Variants in CDCA2 observed in about 807,000 individuals in gnomAD.
CDCA2 encodes cell division cycle-associated protein 2.
CDCA2 carries 44 observed loss-of-function variants against 67.0 expected under a neutral mutation model. That is an observed-to-expected ratio of 0.66 (90% CI 0.52 to 0.84). The LOEUF (loss-of-function observed/expected upper bound fraction) is 0.84. CDCA2 is among the 40% of genes least tolerant of loss of function. The probability of loss-of-function intolerance (pLI) is 0.00; values close to 1 mark genes in which losing one functional copy is unlikely to be tolerated. For synonymous variants in CDCA2, 447 were observed against 418.7 expected (o/e 1.07, Z -0.82); for missense variants, 1,253 against 1,203.2 (o/e 1.04, Z -0.61).
chr8:25,494,220 G>C (rs951117306), intron 13 of CDCA2, among the ~76,000 whole-genome samples: 1 of 152,026 alleles, frequency 6.6e-6, no homozygotes, highest in Non-Finnish European at 1.5e-5. Context: ...AGCACTTTGG[G>C]AGGCTGATAT....
intron 7 of CDCA2, among the ~76,000 whole-genome samples, chr8:25,478,319 C>G (rs1054652007): frequency 1.3e-5 from 2 of 152,138 alleles, no homozygotes; most frequent in African/African-American, 4.8e-5. Context: ...CCACTTCTCA[C>G]CTTTTGCATT....
In CDCA2 at chr8:25,507,646, G is replaced by A; in HGVS notation, c.2980G>A (p.Gly994Ser). ...TACTAAAGCCACTTCCCAGTTCAAA[G>A]GCTACCGGAGAAGATCCTCTCTTAA... ...ANTKATSQFK[G>S]YRRRSSLNGK... Residue 994 changes from glycine (G) to serine (S), a missense_variant, in exon 15 of 15, where the codon GGC (glycine) becomes AGC (serine). Transcript: ENST00000330560. The A allele has an allele frequency of 6.2e-7, 1 of 1,614,208 alleles. No homozygotes were observed. Among genetic ancestry groups the A allele is most frequent in the Non-Finnish European group, 8.5e-7 (1 of 1,180,028 alleles).
Position 25,466,169 on chromosome 8 carries a change from TC to T in CDCA2, c.388-5del, listed in dbSNP as rs754806608. The T allele has an allele frequency of 4.4e-6, 7 of 1,589,724 alleles. No individual in the cohort carries two copies. In the South Asian group the frequency reaches 8.2e-5, roughly 19 times the overall value. ...AATACTCCTTGTATATTTTGCACTTTCACAGGGCAGCCCTGCACTGTATCGA... is the reference window on the plus strand; with the variant it reads ...AATACTCCTTGTATATTTTGCACTTTACAGGGCAGCCCTGCACTGTATCGA... On this transcript the variant is annotated splice_polypyrimidine_tract_variant and splice_region_variant and intron_variant, in intron 4 of 14. Coordinates refer to ENST00000330560, the MANE Select transcript of CDCA2 (RefSeq NM_152562.4).
chr8:25,493,221 G>A (rs575135055), intron 13 of CDCA2, among the ~76,000 whole-genome samples: 61 of 152,256 alleles, frequency 4.0e-4, no homozygotes, highest in African/African-American at 1.2e-3. Flanking sequence ...TAGAAAAGAG[G>A]CAGGTTTGGT....
At chr8:25,495,084 C>G (rs1804161610) in intron 13 of CDCA2, among the ~76,000 whole-genome samples, 1 of 152,272 alleles carries the variant, frequency 6.6e-6, no homozygotes, top group South Asian at 2.1e-4. Context: ...ATACATTACC[C>G]TTTGTCTAAG....
In CDCA2 at chr8:25,483,403, A is replaced by G; in HGVS notation, c.1037A>G (p.His346Arg). The change falls in exon 9 of 15, where the codon CAC (histidine) becomes CGC (arginine). Residue 346 changes from histidine (H) to arginine (R), a missense_variant. By Grantham distance (29) the His-to-Arg change is conservative. Coordinates refer to ENST00000330560, the MANE Select transcript of CDCA2 (RefSeq NM_152562.4). ...ATTAATGTTTATTCTGTTTAGGAACACTGTAACAACCTCTATGATGATGAT... is the reference window on the plus strand; with the variant it reads ...ATTAATGTTTATTCTGTTTAGGAACGCTGTAACAACCTCTATGATGATGAT... The part of the protein sequence containing the change: ...VKMCLESLQE[H>R]CNNLYDDDGT... 8 of 1,594,622 alleles carry G rather than the reference A, an allele frequency of 5.0e-6. No homozygotes were observed. The highest frequency in any genetic ancestry group is 6.8e-6 in the Non-Finnish European group (8 of 1,170,044).
intron 13 of CDCA2, among the ~76,000 whole-genome samples, chr8:25,498,463 C>CCCCCCCCCCCCCCCA (rs71214578): frequency 8.0e-6 from 1 of 125,752 alleles, no homozygotes; most frequent in African/African-American, 2.8e-5. Context: ...ACCCCCCCCC[C>CCCCCCCCCCCCCCCA]GCCCCCCAGG....
intron 13 of CDCA2, among the ~76,000 whole-genome samples, chr8:25,496,918 A>T (rs1804245702): frequency 6.6e-6 from 1 of 152,200 alleles, no homozygotes; most frequent in Admixed American, 6.5e-5. Flanking sequence ...GGGCAAACAC[A>T]CAGACCGAGG....
At chr8:25,502,055 G>A (rs558734277) in intron 13 of CDCA2, among the ~76,000 whole-genome samples, 3 of 152,124 alleles carry the variant, frequency 2.0e-5, no homozygotes, top group East Asian at 3.9e-4. Context: ...GCACCACCAC[G>A]CCCAGTTAAT....
At chr8:25,504,437 T>C (rs1804597624) in intron 14 of CDCA2, among the ~76,000 whole-genome samples, 1 of 152,000 alleles carries the variant, frequency 6.6e-6, no homozygotes, top group East Asian at 1.9e-4. Flanking sequence ...TGCCTGAAAA[T>C]GATAATGTGT....
At chr8:25,500,903 G>A (rs1452641385) in intron 13 of CDCA2, among the ~76,000 whole-genome samples, 2 of 152,164 alleles carry the variant, frequency 1.3e-5, no homozygotes, top group Non-Finnish European at 2.9e-5. Context: ...TTATAAAACA[G>A]TTAAGTAACA....
intron 14 of CDCA2, among the ~76,000 whole-genome samples, chr8:25,505,941 G>A (rs1804658605): frequency 6.6e-6 from 1 of 152,072 alleles, no homozygotes; most frequent in Non-Finnish European, 1.5e-5. Flanking sequence ...ATTAAGGGTC[G>A]ATTTTTATAA....
In CDCA2 at chr8:25,478,887, T is replaced by C. The variant is rs1319098718; in HGVS notation, c.821-1026T>C. On this transcript the variant is annotated intron_variant, in intron 7 of 14. Coordinates refer to ENST00000330560, the MANE Select transcript of CDCA2 (RefSeq NM_152562.4). ...ATATATTAACTACTTGTTGTGTGTG[T>C]GTATATATATATATATATATATATA... Among the ~76,000 whole-genome samples the C allele has an allele frequency of 2.1e-4, 24 of 113,334 alleles. No homozygotes were observed. In the East Asian group the frequency reaches 4.2e-3, roughly 20 times the overall value. The allele number at this position is 113,334 out of a possible 152,430, so 74.4% of individuals were successfully genotyped here.
chr8:25,461,439 G>A (rs1160285882), intron 3 of CDCA2, among the ~76,000 whole-genome samples: 1 of 152,166 alleles, frequency 6.6e-6, no homozygotes, highest in Non-Finnish European at 1.5e-5. Context: ...GAGGATAATG[G>A]AAGTCTTGAA....
intron 13 of CDCA2, among the ~76,000 whole-genome samples, chr8:25,493,828 G>GGA (rs1216091217): frequency 1.3e-5 from 2 of 152,168 alleles, no homozygotes; most frequent in African/African-American, 4.8e-5. Flanking sequence ...AGACCTCTGT[G>GGA]GAGGAGTATT....
At chr8:25,481,974 C>T (rs1803589146) in intron 8 of CDCA2, among the ~76,000 whole-genome samples, 1 of 152,072 alleles carries the variant, frequency 6.6e-6, no homozygotes, top group Non-Finnish European at 1.5e-5. Context: ...ATTGGATGTA[C>T]AGGAGAAAAT....
At chr8:25,484,332 AAATT>A in intron 10 of CDCA2, 122 bp downstream of exon 10, 1 of 1,310,750 alleles carries the variant, frequency 7.6e-7, no homozygotes, top group Non-Finnish European at 1.0e-6. Flanking sequence ...GCCATGGTTT[AAATT>A]AATCTATTTT....
intron 13 of CDCA2, among the ~76,000 whole-genome samples, chr8:25,491,103 A>T (rs1803984226): frequency 6.6e-6 from 1 of 152,218 alleles, no homozygotes; most frequent in African/African-American, 2.4e-5. Context: ...GAATTGCAAA[A>T]ACATAAAATT....
chr8:25,501,590 C>G (rs750724921), intron 13 of CDCA2, among the ~76,000 whole-genome samples: 24 of 152,226 alleles, frequency 1.6e-4, no homozygotes, highest in Non-Finnish European at 2.6e-4. Flanking sequence ...CTTTGAAGAG[C>G]CTTTCTGCAT....
Sources: allele counts gnomAD v4.1 joint callset (sites outside exome capture counted in the v4.1 genomes callset), GRCh38; gene constraint gnomAD v4.1.1; transcripts MANE v1.5; gene names NCBI Gene and HGNC (gene_info 2026-07-23, HGNC 2026-07-21).